The following SEMA6D variants were observed in gnomAD, a reference collection of about 807,000 sequenced individuals.
SEMA6D encodes the protein semaphorin 6D, also known as semaphorin-6D.
SEMA6D carries 35 observed loss-of-function variants against 106.6 expected under a neutral mutation model. The observed-to-expected ratio is 0.33, with a 90% CI of 0.25 to 0.44. The LOEUF (loss-of-function observed/expected upper bound fraction) is 0.44. SEMA6D is among the 20% of genes least tolerant of loss of function. The pLI is 1.00. For missense variants in SEMA6D, 1,185 were observed against 1,345.9 expected (o/e 0.88, Z 1.87); for synonymous variants, 499 against 487.7 (o/e 1.02, Z -0.31).
At chr15:47,272,852 C>A (rs2034618781) in intron 1 of SEMA6D, 1 of 152,260 alleles carries the variant, frequency 6.6e-6, no homozygotes, top group African/African-American at 2.4e-5. Flanking sequence ...CCAGGCAGAC[C>A]TTAAATTTGC....
intron 1 of SEMA6D, among the ~76,000 whole-genome samples, chr15:47,309,899 A>G (rs960690497): frequency 1.3e-5 from 2 of 152,212 alleles, no homozygotes; most frequent in East Asian, 1.9e-4. Context: ...CTTTCACACC[A>G]TGGTAAAGTA....
At chr15:47,297,321 C>T (rs1444430268) in intron 1 of SEMA6D, among the ~76,000 whole-genome samples, 1 of 152,114 alleles carries the variant, frequency 6.6e-6, no homozygotes, top group Non-Finnish European at 1.5e-5. Context: ...TAGTTTCTTG[C>T]ACAGGATTTC....
chr15:47,566,786 A>G (rs72733878), intron 3 of SEMA6D, among the ~76,000 whole-genome samples: 240 of 152,308 alleles, frequency 1.6e-3, no homozygotes, highest in Non-Finnish European at 2.8e-3. Flanking sequence ...ACGGATGGAA[A>G]GTGTTGCTTC....
At chr15:47,332,281 G>A (rs1310893388) in intron 1 of SEMA6D, among the ~76,000 whole-genome samples, 2 of 152,172 alleles carry the variant, frequency 1.3e-5, no homozygotes, top group Non-Finnish European at 2.9e-5. Context: ...CTTGAGTGGA[G>A]ATCAGAAAAT....
intron 2 of SEMA6D, among the ~76,000 whole-genome samples, chr15:47,420,440 A>G (rs1419182481): frequency 6.6e-6 from 1 of 152,044 alleles, no homozygotes; most frequent in Non-Finnish European, 1.5e-5. Context: ...GAATGAATAA[A>G]TGTATGTCCA....
chr15:47,635,859 A>C (rs2077377632), intron 4 of SEMA6D, among the ~76,000 whole-genome samples: 2 of 152,044 alleles, frequency 1.3e-5, no homozygotes. Context: ...GCATGTTTTA[A>C]CTAAATACAA....
At chr15:47,491,111 T>C (rs1366762589) in intron 3 of SEMA6D, among the ~76,000 whole-genome samples, 1 of 152,182 alleles carries the variant, frequency 6.6e-6, no homozygotes, top group Non-Finnish European at 1.5e-5. Context: ...TACGTACATA[T>C]AAGTAGAAAC....
intron 1 of SEMA6D, among the ~76,000 whole-genome samples, chr15:47,321,972 T>G (rs2036941018): frequency 6.6e-6 from 1 of 152,186 alleles, no homozygotes; most frequent in South Asian, 2.1e-4. Context: ...AAAAGTCTCT[T>G]TTAGCCATTT....
chr15:47,287,355 T>C (rs2035412047), intron 1 of SEMA6D, among the ~76,000 whole-genome samples: 2 of 152,182 alleles, frequency 1.3e-5, no homozygotes, highest in South Asian at 2.1e-4. Context: ...TAAAAATACA[T>C]ATAGTCTTTG....
At chr15:47,758,115 G>T (rs2081859009) in intron 1 of SEMA6D, among the ~76,000 whole-genome samples, 1 of 152,126 alleles carries the variant, frequency 6.6e-6, no homozygotes, top group South Asian at 2.1e-4. Flanking sequence ...GTTTAAATAT[G>T]TGAACTTACT....
intron 1 of SEMA6D, among the ~76,000 whole-genome samples, chr15:47,337,275 T>C (rs1324192367): frequency 6.6e-6 from 1 of 152,158 alleles, no homozygotes; most frequent in Non-Finnish European, 1.5e-5. Context: ...TCTAGACATG[T>C]TACTCTTGCA....
intron 1 of SEMA6D, among the ~76,000 whole-genome samples, chr15:47,373,106 C>G (rs535331904): frequency 6.6e-5 from 10 of 152,328 alleles, no homozygotes; most frequent in African/African-American, 2.4e-4. Flanking sequence ...GCACCTGCTT[C>G]TTGCACTGCA....
intron 1 of SEMA6D, among the ~76,000 whole-genome samples, chr15:47,265,770 AT>A (rs1231493939): frequency 3.3e-5 from 5 of 151,772 alleles, no homozygotes; most frequent in Non-Finnish European, 5.9e-5. Flanking sequence ...GGGGATTGCT[AT>A]TTTTTAGGTG....
At chr15:47,747,776 A>G (rs565028620) in intron 1 of SEMA6D, among the ~76,000 whole-genome samples, 1 of 152,174 alleles carries the variant, frequency 6.6e-6, no homozygotes, top group Non-Finnish European at 1.5e-5. Context: ...GTTTCTGGTT[A>G]TGGTATGTTC....
At position 47,767,049 on chromosome 15, in the gene SEMA6D, C is replaced by T. The variant is rs2147880525; in HGVS notation, c.1721C>T (p.Thr574Ile). Reference sequence around the variant, plus strand: ...TTAATTCTTTTAGAAATTTTGCCTACTTCAACTACACCAGATTACAAAATA... The same window carrying T: ...TTAATTCTTTTAGAAATTTTGCCTATTTCAACTACACCAGATTACAAAATA... ...HLGDCHEILPTSTTPDYKIFG... is the reference protein window; with the variant it reads ...HLGDCHEILPISTTPDYKIFG... The change falls in exon 17 of 19, where the codon ACT becomes ATT. Residue 574 changes from threonine to isoleucine, a missense_variant. Thr to Ile is a moderately conservative substitution (Grantham distance 89). Coordinates refer to ENST00000536845, the MANE Select transcript of SEMA6D (RefSeq NM_001358351.3). The T allele has an allele frequency of 6.4e-7, 1 of 1,563,406 alleles. No individual in the cohort carries two copies. The highest frequency in any genetic ancestry group is 2.3e-5 in the East Asian group (1 of 42,672).
chr15:47,424,191 C>G (rs1045190658), intron 2 of SEMA6D, among the ~76,000 whole-genome samples: 1 of 151,976 alleles, frequency 6.6e-6, no homozygotes, highest in African/African-American at 2.4e-5. Flanking sequence ...AAAGTGCACT[C>G]GAAACATCCT....
chr15:47,736,154 T>C (rs1185021821), intron 1 of SEMA6D, among the ~76,000 whole-genome samples: 1 of 152,184 alleles, frequency 6.6e-6, no homozygotes. Flanking sequence ...TGTTGGTCTG[T>C]TTTATTGTGT....
chr15:47,447,393 T>TG (rs981398742), intron 2 of SEMA6D, among the ~76,000 whole-genome samples: 14 of 152,196 alleles, frequency 9.2e-5, no homozygotes, highest in Admixed American at 6.5e-5. Flanking sequence ...CTGTCACCAA[T>TG]GGCCAATGAT....
intron 1 of SEMA6D, among the ~76,000 whole-genome samples, chr15:47,746,860 C>T (rs2081158602): frequency 6.6e-6 from 1 of 151,678 alleles, no homozygotes; most frequent in Non-Finnish European, 1.5e-5. Context: ...GAGGAGATAA[C>T]CAAAAAAGAA....
Sources: allele counts gnomAD v4.1 joint callset (sites outside exome capture counted in the v4.1 genomes callset), GRCh38; gene constraint gnomAD v4.1.1; transcripts MANE v1.5; gene names NCBI Gene and HGNC (gene_info 2026-07-23, HGNC 2026-07-21).